Variants in CFDP1 observed in about 807,000 individuals in gnomAD.
CFDP1 encodes the protein chromatin remodeling protein CFDP1, also known as heterochromatin-stabilizing protein CFDP1.
In CFDP1, 31 loss-of-function variants were observed where a neutral mutation model predicts 40.1. That is an observed-to-expected ratio of 0.77 (90% CI 0.58 to 1.04). CFDP1 has a LOEUF of 1.04. Among genes scored for constraint, CFDP1 ranks in the 50% least tolerant of loss-of-function variants. The probability of loss-of-function intolerance (pLI) is 0.00; values close to 1 mark genes in which losing one functional copy is unlikely to be tolerated. For synonymous variants in CFDP1, 167 were observed against 120.0 expected, an observed-to-expected ratio of 1.39 and a Z score of -2.56; for missense variants, 423 against 343.4, an observed-to-expected ratio of 1.23 and a Z score of -1.83.
chr16:75,294,325 C>T (rs978510540), intron 6 of CFDP1, among the ~76,000 whole-genome samples: 3 of 152,244 alleles, frequency 2.0e-5, no homozygotes, highest in Non-Finnish European at 2.9e-5. Flanking sequence ...GAAAGAATAC[C>T]GGTTTACACA....
intron 6 of CFDP1, among the ~76,000 whole-genome samples, chr16:75,298,479 C>T (rs996163192): frequency 3.3e-5 from 5 of 152,228 alleles, no homozygotes; most frequent in African/African-American, 1.2e-4. Flanking sequence ...GCATTACTAT[C>T]ATGCTGCCCA....
intron 1 of CFDP1, among the ~76,000 whole-genome samples, chr16:75,427,046 G>A (rs1200638675): frequency 1.2e-5 from 1 of 80,622 alleles, no homozygotes; most frequent in Admixed American, 1.6e-4. Flanking sequence ...CAGCGAGACT[G>A]TCTCAAAAAA....
At chr16:75,378,972 T>C (rs1392607523) in intron 5 of CFDP1, among the ~76,000 whole-genome samples, 1 of 151,802 alleles carries the variant, frequency 6.6e-6, no homozygotes, top group Non-Finnish European at 1.5e-5. Context: ...AACTTGGAAA[T>C]GGAACAATAC....
chr16:75,393,099 C>T (rs997441869), intron 5 of CFDP1, among the ~76,000 whole-genome samples: 2 of 152,174 alleles, frequency 1.3e-5, no homozygotes, highest in Admixed American at 6.5e-5. Context: ...GGACAGAGGG[C>T]AAGGAATGTG....
At chr16:75,413,135 C>G (rs770027207) in intron 2 of CFDP1, among the ~76,000 whole-genome samples, 1 of 152,124 alleles carries the variant, frequency 6.6e-6, no homozygotes, top group Non-Finnish European at 1.5e-5. Context: ...CTTTTTAAAG[C>G]TACTCCATTT....
chr16:75,422,006 T>G (rs1050478729), intron 1 of CFDP1, among the ~76,000 whole-genome samples: 1 of 152,262 alleles, frequency 6.6e-6, no homozygotes, highest in Non-Finnish European at 1.5e-5. Context: ...GTTGTTATAC[T>G]GTATTGTTTA....
At chr16:75,430,045 G>A (rs1164056619) in intron 1 of CFDP1, among the ~76,000 whole-genome samples, 1 of 152,194 alleles carries the variant, frequency 6.6e-6, no homozygotes, top group South Asian at 2.1e-4. Context: ...ACAACTCGGG[G>A]TGGGAGTGCT....
chr16:75,422,257 C>T (rs982893487), intron 1 of CFDP1, among the ~76,000 whole-genome samples: 15 of 151,846 alleles, frequency 9.9e-5, no homozygotes, highest in Admixed American at 2.6e-4. Flanking sequence ...CCACCACACC[C>T]GGCTAATTTT....
chr16:75,297,245 C>G (rs1367445909), intron 6 of CFDP1, among the ~76,000 whole-genome samples: 1 of 150,738 alleles, frequency 6.6e-6, no homozygotes, highest in Non-Finnish European at 1.5e-5. Flanking sequence ...GTCTTGAACT[C>G]CTGGCCTCAA....
intron 5 of CFDP1, among the ~76,000 whole-genome samples, chr16:75,359,005 T>A (rs1173416650): frequency 6.6e-6 from 1 of 152,208 alleles, no homozygotes; most frequent in East Asian, 1.9e-4. Context: ...CACAAAAGGA[T>A]AACCAAAATT....
intron 5 of CFDP1, among the ~76,000 whole-genome samples, chr16:75,333,921 T>G (rs1271745579): frequency 6.6e-6 from 1 of 152,222 alleles, no homozygotes; most frequent in African/African-American, 2.4e-5. Context: ...GAAGTTATGG[T>G]GGTTAGAGCA....
intron 5 of CFDP1, among the ~76,000 whole-genome samples, chr16:75,386,897 T>A (rs2078902896): frequency 6.6e-6 from 1 of 152,244 alleles, no homozygotes; most frequent in South Asian, 2.1e-4. Flanking sequence ...AATAATAGCT[T>A]TGAATCAACA....
At chr16:75,400,713 G>A (rs537543184) in intron 4 of CFDP1, among the ~76,000 whole-genome samples, 64 of 152,302 alleles carry the variant, frequency 4.2e-4, no homozygotes, top group African/African-American at 1.5e-3. Flanking sequence ...TCCTTTGCCA[G>A]AGCAACCCTG....
rs1301717502 is a variant in CFDP1, at chr16:75,364,704, A to G, written c.650+30386T>C. 5.9e-5 allele frequency among the ~76,000 whole-genome samples: 9 copies of G among 152,244 alleles called. No individual in the cohort carries two copies. In the South Asian group the frequency reaches 1.9e-3, roughly 31 times the overall value. ...TTGGAAAATATACTTATTTTTCACAAAAATATGCTACTTATGTTAACATGT... is the reference window on the plus strand; with the variant it reads ...TTGGAAAATATACTTATTTTTCACAGAAATATGCTACTTATGTTAACATGT... On this transcript the variant is annotated intron_variant, in intron 5 of 6. Coordinates refer to ENST00000283882, the MANE Select transcript of CFDP1 (RefSeq NM_006324.3).
intron 5 of CFDP1, among the ~76,000 whole-genome samples, chr16:75,323,255 C>T (rs1332361824): frequency 6.6e-6 from 1 of 151,338 alleles, no homozygotes; most frequent in Non-Finnish European, 1.5e-5. Flanking sequence ...GACAAACACA[C>T]ACATTAGTCC....
chr16:75,369,188 A>G (rs1452475561), intron 5 of CFDP1, among the ~76,000 whole-genome samples: 1 of 152,172 alleles, frequency 6.6e-6, no homozygotes, highest in Non-Finnish European at 1.5e-5. Flanking sequence ...TTGAACGTAA[A>G]TAAGACTGAT....
chr16:75,298,755 G>A (rs2078201755), intron 6 of CFDP1, among the ~76,000 whole-genome samples: 2 of 152,172 alleles, frequency 1.3e-5, no homozygotes, highest in East Asian at 3.8e-4. Context: ...GACTGGAAGG[G>A]CAGTTTCTAA....
intron 5 of CFDP1, among the ~76,000 whole-genome samples, chr16:75,322,114 G>A (rs1222130307): frequency 6.6e-6 from 1 of 152,206 alleles, no homozygotes; most frequent in Non-Finnish European, 1.5e-5. Context: ...GTGAGCCACC[G>A]CGCCCAGCCT....
At chr16:75,303,322 C>T (rs1239543768) in intron 6 of CFDP1, among the ~76,000 whole-genome samples, 3 of 151,960 alleles carry the variant, frequency 2.0e-5, no homozygotes, top group Non-Finnish European at 4.4e-5. Flanking sequence ...CCCAAGATCA[C>T]GCCATTGCAC....
Sources: gnomAD v4.1 joint callset for allele counts (sites outside exome capture counted in the v4.1 genomes callset) on GRCh38, gnomAD v4.1.1 for gene constraint, MANE v1.5 for transcripts, NCBI Gene and HGNC (gene_info 2026-07-23, HGNC 2026-07-21) for gene names.